Variants in OTUB2 observed in about 807,000 individuals in gnomAD.
The protein encoded by OTUB2 is ubiquitin thioesterase OTUB2.
OTUB2 carries 21 observed loss-of-function variants against 25.1 expected under a neutral mutation model. That is an observed-to-expected ratio of 0.84 (90% CI 0.59 to 1.21). The LOEUF is 1.21. OTUB2 is among the 50% of genes most tolerant of loss of function. The pLI is 0.00. For missense variants in OTUB2, 283 were observed against 298.0 expected, an observed-to-expected ratio of 0.95 and a Z score of 0.37; for synonymous variants, 122 against 122.8, an observed-to-expected ratio of 0.99 and a Z score of 0.04.
rs184288902 is a variant in OTUB2 at position 94,045,768 on chromosome 14, C to T, written c.551C>T (p.Ser184Leu). 5.8e-5 allele frequency: 94 copies of T among 1,614,198 alleles called. No homozygotes were observed. Among genetic ancestry groups the T allele is most frequent in the Middle Eastern group, 3.3e-4 (2 of 6,062 alleles). ...ECDHIQITALSQALSIALQVE... is the reference protein window; with the variant it reads ...ECDHIQITALLQALSIALQVE... The stretch of plus-strand genomic sequence containing the variant: ...GACCACATCCAGATCACGGCGTTGT[C>T]GCAGGCCCTGAGCATTGCCCTGCAA... Residue 184 changes from serine to leucine, a missense_variant, in exon 6 of 6, where the codon TCG (serine) becomes TTG (leucine). Transcript: ENST00000203664.
intron 5 of OTUB2, among the ~76,000 whole-genome samples, chr14:94,045,201 G>A (rs1332743943): frequency 6.6e-6 from 1 of 152,206 alleles, no homozygotes; most frequent in Non-Finnish European, 1.5e-5. Flanking sequence ...TTGCAGGGCA[G>A]TCTCAGCAGG....
chr14:94,034,211 T>G (rs1885009821), intron 1 of OTUB2, among the ~76,000 whole-genome samples: 1 of 152,228 alleles, frequency 6.6e-6, no homozygotes, highest in Non-Finnish European at 1.5e-5. Flanking sequence ...TGTCTGGATA[T>G]TGCCTGTAAA....
rs1884857741 is a variant in OTUB2, at chr14:94,026,370, G to T, written c.-168G>T. 1 of 1,247,272 alleles carries T rather than the reference G, an allele frequency of 8.0e-7. No individual in the cohort carries two copies. 77.3% of individuals were successfully genotyped at this position (1,247,272 alleles called of 1,614,324 possible). On this transcript the variant is annotated 5_prime_UTR_variant, in exon 1 of 6. It adds an upstream start codon to the 5' untranslated region. Transcript: ENST00000203664. ...GTGTGTCTTGCTGGGACACAGTGGA[G>T]GTCTAACCTTTGGTTTGCGGAGCGG...
At position 94,044,733 on chromosome 14, in the gene OTUB2, C is replaced by G. The variant is rs368079367; in HGVS notation, c.451C>G (p.Arg151Gly). Residue 151 changes from arginine to glycine, a missense_variant, in exon 5 of 6, where the codon CGG (arginine) becomes GGG (glycine). Physicochemically the swap from Arg to Gly is moderately radical, Grantham distance 125 (BLOSUM62 -2). Transcript: ENST00000203664. ...CATCAGGAACCGAGCAGACTTCTTC[C>G]GGCACTTCATTGATGAGGAGATGGA... The part of the protein sequence containing the change: ...AFIRNRADFF[R>G]HFIDEEMDIK... The G allele has an allele frequency of 2.5e-6, 4 of 1,613,866 alleles. No homozygotes were observed. The South Asian group carries it at 3.3e-5, about 13-fold the overall frequency.
rs572513935 is a variant in OTUB2, at chr14:94,030,769, C to T, written c.3+4229C>T. On this transcript the variant is annotated intron_variant, in intron 1 of 5. Transcript: ENST00000203664. ...GGATACTGAGTTATCCAGGTAGGCG[C>T]GATGACGTAATCACAAGTGTCCTTA... 8.9e-5 allele frequency among the ~76,000 whole-genome samples: 13 copies of T among 146,368 alleles called. No homozygotes were observed. The East Asian group carries it at 1.6e-3, about 17-fold the overall frequency.
At position 94,026,515 on chromosome 14, in the gene OTUB2, C is replaced by T. The variant is rs1884861678; in HGVS notation, c.-23C>T. The T allele has an allele frequency of 1.6e-6, 2 of 1,281,892 alleles. No homozygotes were observed. Among genetic ancestry groups the T allele is most frequent in the Non-Finnish European group, 2.0e-6 (2 of 1,008,328 alleles). 79.4% of individuals were successfully genotyped at this position (1,281,892 alleles called of 1,614,324 possible). Reference sequence around the variant, plus strand: ...GGATCGCTCCTCGCTGGGGCGGGACCTGGCCTGGCGGCTCTGGTCACTATG... The same window carrying T: ...GGATCGCTCCTCGCTGGGGCGGGACTTGGCCTGGCGGCTCTGGTCACTATG... On this transcript the variant is annotated 5_prime_UTR_variant, in exon 1 of 6. Coordinates refer to ENST00000203664, the MANE Select transcript of OTUB2 (RefSeq NM_023112.4).
At chr14:94,043,865 G>T in intron 3 of OTUB2, 106 bp from the exon 4 acceptor site, 1 of 986,418 alleles carries the variant, frequency 1.0e-6, no homozygotes, top group Non-Finnish European at 1.6e-6. Context: ...GGCTGGACTA[G>T]AGATGAGGTT....
intron 3 of OTUB2, among the ~76,000 whole-genome samples, chr14:94,043,518 G>A (rs750264984): frequency 1.3e-5 from 2 of 152,242 alleles, no homozygotes; most frequent in Non-Finnish European, 2.9e-5. Flanking sequence ...CCCAGCATGC[G>A]CAGAGCAAGG....
intron 1 of OTUB2, among the ~76,000 whole-genome samples, chr14:94,032,036 C>G (rs1056744693): frequency 1.3e-5 from 2 of 152,162 alleles, no homozygotes; most frequent in South Asian, 4.1e-4. Flanking sequence ...TGGGGTTCTT[C>G]CGGGAGCTTG....
intron 1 of OTUB2, among the ~76,000 whole-genome samples, chr14:94,036,639 AT>A (rs1885059499): frequency 6.6e-6 from 1 of 151,958 alleles, no homozygotes; most frequent in Non-Finnish European, 1.5e-5. Flanking sequence ...CTGTCCGCCA[AT>A]TTCTTCTCTG....
At chr14:94,038,081 C>T (rs1056584052) in intron 2 of OTUB2, among the ~76,000 whole-genome samples, 1 of 152,274 alleles carries the variant, frequency 6.6e-6, no homozygotes, top group Admixed American at 6.5e-5. Flanking sequence ...CTTGCTCTGG[C>T]ACTGGCCCCA....
intron 5 of OTUB2, among the ~76,000 whole-genome samples, chr14:94,045,411 T>C (rs1162351892): frequency 6.6e-6 from 1 of 152,160 alleles, no homozygotes; most frequent in Non-Finnish European, 1.5e-5. Context: ...ACCTGAAAAA[T>C]GTCTGCCCCC....
chr14:94,034,993 G>T (rs1449914607), intron 1 of OTUB2, among the ~76,000 whole-genome samples: 1 of 152,192 alleles, frequency 6.6e-6, no homozygotes, highest in African/African-American at 2.4e-5. Flanking sequence ...TTAGTGAGGA[G>T]GAAATGGGTC....
chr14:94,039,954 G>A (rs538703941), intron 3 of OTUB2, among the ~76,000 whole-genome samples: 6 of 152,252 alleles, frequency 3.9e-5, no homozygotes, highest in East Asian at 3.9e-4. Flanking sequence ...CATGACTGAC[G>A]TTTTGGGCCA....
intron 3 of OTUB2, among the ~76,000 whole-genome samples, chr14:94,040,042 G>C (rs181095435): frequency 3.0e-4 from 45 of 152,228 alleles, no homozygotes; most frequent in African/African-American, 1.0e-3. Flanking sequence ...CCGTGACATA[G>C]TAGTAGTAAC....
chr14:94,048,055 T>C lies in OTUB2; in HGVS notation c.*2133T>C, dbSNP rs979744785. ...CCAAATCCGAACCATTGCCCTTGTT[T>C]CCCCCACGTTCTCTCTCAGATCTTT... On this transcript the variant is annotated 3_prime_UTR_variant, in exon 6 of 6. Transcript: ENST00000203664. The C allele has an allele frequency of 4.6e-5, 7 of 152,198 alleles. No individual in the cohort carries two copies. Among genetic ancestry groups the C allele is most frequent in the African/African-American group, 1.7e-4 (7 of 41,442 alleles). The allele number at this position is 152,198 out of a possible 1,614,324, so 9.4% of individuals were successfully genotyped here. A position where few individuals can be genotyped will look rare whatever the true frequency, so the allele number is the denominator to read the frequency against.
At chr14:94,027,005 C>T (rs960274557) in intron 1 of OTUB2, among the ~76,000 whole-genome samples, 2 of 152,246 alleles carry the variant, frequency 1.3e-5, no homozygotes, top group Non-Finnish European at 2.9e-5. Flanking sequence ...AGGGGTTGCA[C>T]GGGGCACCAG....
chr14:94,046,126 C>A lies in OTUB2; in HGVS notation c.*204C>A. On this transcript the variant is annotated 3_prime_UTR_variant, in exon 6 of 6. Transcript: ENST00000203664. The stretch of plus-strand genomic sequence containing the variant: ...TTTAGTATTTATTTTAATGGAGGGA[C>A]AAATGCTTTCTAACTGGGCCCCCGA... The A allele has an allele frequency of 1.5e-6, 1 of 651,844 alleles. No homozygotes were observed. The highest frequency in any genetic ancestry group is 2.6e-6 in the Non-Finnish European group (1 of 383,428). 40.4% of individuals were successfully genotyped at this position (651,844 alleles called of 1,614,324 possible).
At position 94,047,801 on chromosome 14, in the gene OTUB2, CAGA is replaced by C. The variant is rs1302085207; in HGVS notation, c.*1882_*1884del. 1.3e-5 allele frequency: 2 copies of C among 152,332 alleles called. No homozygotes were observed. Among genetic ancestry groups the C allele is most frequent in the African/African-American group, 4.8e-5 (2 of 41,576 alleles). The allele number at this position is 152,332 out of a possible 1,614,324, so 9.4% of individuals were successfully genotyped here. A position where few individuals can be genotyped will look rare whatever the true frequency, so the allele number is the denominator to read the frequency against. On this transcript the variant is annotated 3_prime_UTR_variant, in exon 6 of 6. Coordinates refer to ENST00000203664, the MANE Select transcript of OTUB2 (RefSeq NM_023112.4). ...GTATTTGTGGCTTGTGTGGTAGCCTCAGAAGCAGAGCTGTTTGGCAGACTGGCT... is the reference window on the plus strand; with the variant it reads ...GTATTTGTGGCTTGTGTGGTAGCCTCAGCAGAGCTGTTTGGCAGACTGGCT...
Sources: allele counts gnomAD v4.1 joint callset (sites outside exome capture counted in the v4.1 genomes callset), GRCh38; gene constraint gnomAD v4.1.1; transcripts MANE v1.5; gene names NCBI Gene and HGNC (gene_info 2026-07-23, HGNC 2026-07-21).